The following ANAPC10 variants were observed in gnomAD, a reference collection of about 807,000 sequenced individuals.
ANAPC10 encodes the protein anaphase promoting complex subunit 10, also known as anaphase-promoting complex subunit 10.
A neutral mutation model predicts 22.0 loss-of-function variants in ANAPC10; 12 were observed. The observed-to-expected ratio is 0.55, with a 90% CI of 0.35 to 0.88. The LOEUF (loss-of-function observed/expected upper bound fraction) is 0.88. Among genes scored for constraint, ANAPC10 ranks in the 40% least tolerant of loss-of-function variants. The pLI is 0.01. For synonymous variants in ANAPC10, 65 were observed against 69.5 expected, an observed-to-expected ratio of 0.94 and a Z score of 0.32; for missense variants, 188 against 220.9, an observed-to-expected ratio of 0.85 and a Z score of 0.94.
At chr4:145,006,293 T>C (rs938377637) in intron 4 of ANAPC10, among the ~76,000 whole-genome samples, 1 of 152,138 alleles carries the variant, frequency 6.6e-6, no homozygotes, top group African/African-American at 2.4e-5. Context: ...CTGAAAAATC[T>C]GCCAATCAAG....
intron 4 of ANAPC10, among the ~76,000 whole-genome samples, chr4:145,023,234 A>C (rs927158895): frequency 2.0e-5 from 3 of 152,168 alleles, no homozygotes; most frequent in Admixed American, 6.6e-5. Context: ...AAACCAACAA[A>C]TAACAACAGG....
At chr4:145,092,605 G>A (rs1747853134) in intron 2 of ANAPC10, among the ~76,000 whole-genome samples, 1 of 152,182 alleles carries the variant, frequency 6.6e-6, no homozygotes, top group Non-Finnish European at 1.5e-5. Flanking sequence ...AACACAAGGT[G>A]AATTCACACT....
chr4:145,020,154 T>A (rs549665385), intron 4 of ANAPC10, among the ~76,000 whole-genome samples: 20 of 152,088 alleles, frequency 1.3e-4, no homozygotes, highest in African/African-American at 4.8e-4. Flanking sequence ...CAGACCCATA[T>A]CCCTGATGAA....
At chr4:145,025,032 T>G (rs1316068712) in intron 4 of ANAPC10, among the ~76,000 whole-genome samples, 1 of 152,204 alleles carries the variant, frequency 6.6e-6, no homozygotes, top group Non-Finnish European at 1.5e-5. Flanking sequence ...AAGATGGATT[T>G]TTTCCTTAAA....
At chr4:145,062,042 G>T (rs1742965549) in intron 4 of ANAPC10, among the ~76,000 whole-genome samples, 1 of 150,094 alleles carries the variant, frequency 6.7e-6, no homozygotes, top group South Asian at 2.1e-4. Flanking sequence ...CAGCCTGGGT[G>T]ACAGAGCAAG....
Position 145,040,826 on chromosome 4 carries a change from A to G in ANAPC10, c.327+23746T>C, listed in dbSNP as rs543332464. Among the ~76,000 whole-genome samples, 28 of 152,340 alleles carry G rather than the reference A, an allele frequency of 1.8e-4. No homozygotes were observed. The South Asian group carries it at 5.8e-3, about 32-fold the overall frequency. ...ACAACTCAAAAAGCCATAATTCTACATATGCTATAAAGAGATGTGGAACTT... is the reference window on the plus strand; with the variant it reads ...ACAACTCAAAAAGCCATAATTCTACGTATGCTATAAAGAGATGTGGAACTT... On this transcript the variant is annotated intron_variant, in intron 4 of 4. Transcript: ENST00000507656.
At chr4:145,048,595 G>A (rs1039122408) in intron 4 of ANAPC10, among the ~76,000 whole-genome samples, 6 of 152,032 alleles carry the variant, frequency 3.9e-5, no homozygotes, top group South Asian at 2.1e-4. Flanking sequence ...AGTTGACAGC[G>A]CTGACATATT....
chr4:145,079,506 G>A (rs1366587953), intron 3 of ANAPC10, among the ~76,000 whole-genome samples: 1 of 152,202 alleles, frequency 6.6e-6, no homozygotes, highest in South Asian at 2.1e-4. Flanking sequence ...ACTACTATTT[G>A]ACCAAGCAAT....
chr4:145,068,427 A>C (rs542100737), intron 3 of ANAPC10, among the ~76,000 whole-genome samples: 55 of 152,360 alleles, frequency 3.6e-4, no homozygotes, highest in African/African-American at 1.3e-3. Context: ...GATAGACGAT[A>C]GCTTTACATT....
intron 4 of ANAPC10, among the ~76,000 whole-genome samples, chr4:145,002,128 C>T (rs118106300): frequency 1.3e-5 from 2 of 152,218 alleles, no homozygotes; most frequent in East Asian, 1.9e-4. Context: ...AATCTTACTA[C>T]GAGAACTGTC....
At chr4:145,058,023 A>T (rs1742323352) in intron 4 of ANAPC10, among the ~76,000 whole-genome samples, 2 of 152,244 alleles carry the variant, frequency 1.3e-5, no homozygotes, top group South Asian at 4.1e-4. Flanking sequence ...AGCTGTGTTG[A>T]TGTTTCCTCA....
intron 2 of ANAPC10, among the ~76,000 whole-genome samples, chr4:145,090,825 T>C (rs925190498): frequency 1.3e-5 from 2 of 152,214 alleles, no homozygotes; most frequent in African/African-American, 4.8e-5. Context: ...AGTTTAAAGC[T>C]ATACTTCCTC....
chr4:145,029,662 C>G lies in ANAPC10; in HGVS notation c.328-34059G>C, dbSNP rs6819173. On this transcript the variant is annotated intron_variant, in intron 4 of 4. Transcript: ENST00000507656. ...TAAAAAAGGTTCTAATAGGTTATTT[C>G]CTTGGTTAGCTGAAATATGGATTAA... Among the ~76,000 whole-genome samples the G allele has an allele frequency of 4.4e-3, 668 of 152,082 alleles. 3 individuals carry two copies. The highest frequency in any genetic ancestry group is 0.015 in the African/African-American group (614 of 41,484).
At chr4:145,073,265 C>T (rs1388075476) in intron 3 of ANAPC10, among the ~76,000 whole-genome samples, 3 of 152,108 alleles carry the variant, frequency 2.0e-5, no homozygotes, top group African/African-American at 4.8e-5. Context: ...GGGGAAAATG[C>T]AATAAAGTAT....
At chr4:145,078,156 T>C (rs988993445) in intron 3 of ANAPC10, among the ~76,000 whole-genome samples, 8 of 152,158 alleles carry the variant, frequency 5.3e-5, no homozygotes, top group Non-Finnish European at 7.4e-5. Flanking sequence ...CTAGATCTGA[T>C]GAACAACTTC....
chr4:145,072,307 G>A (rs907163831), intron 3 of ANAPC10, among the ~76,000 whole-genome samples: 2 of 152,038 alleles, frequency 1.3e-5, no homozygotes, highest in African/African-American at 4.8e-5. Context: ...AAATAATGTT[G>A]CTTTATATAT....
In ANAPC10 at chr4:144,994,680, A is replaced by G. The variant is rs924926188; in HGVS notation, c.*693T>C. On this transcript the variant is annotated 3_prime_UTR_variant, in exon 5 of 5. Transcript: ENST00000507656. ...TGCTACAATGTCAGACACAAATTTG[A>G]AAATAACTCTTCCATAAGTACTGCT... is the stretch of plus-strand genomic sequence containing the variant. 3 of 152,110 alleles carry G rather than the reference A, an allele frequency of 2.0e-5. No individual in the cohort carries two copies. The highest frequency in any genetic ancestry group is 2.9e-5 in the Non-Finnish European group (2 of 67,966). 9.4% of individuals were successfully genotyped at this position (152,110 alleles called of 1,614,324 possible). A position where few individuals can be genotyped will look rare whatever the true frequency, so the allele number is the denominator to read the frequency against.
intron 4 of ANAPC10, among the ~76,000 whole-genome samples, chr4:145,055,415 G>A (rs539890477): frequency 4.6e-5 from 7 of 152,126 alleles, no homozygotes; most frequent in East Asian, 1.9e-4. Context: ...AAAGTTAGCC[G>A]GGCATGGTGG....
intron 4 of ANAPC10, among the ~76,000 whole-genome samples, chr4:145,060,987 AGGCAC>A: frequency 6.6e-6 from 1 of 152,134 alleles, no homozygotes; most frequent in Non-Finnish European, 1.5e-5. Flanking sequence ...TGCAAAAGCT[AGGCAC>A]TAACAATTTA....
Sources: allele counts gnomAD v4.1 joint callset (sites outside exome capture counted in the v4.1 genomes callset), GRCh38; gene constraint gnomAD v4.1.1; transcripts MANE v1.5; gene names NCBI Gene and HGNC (gene_info 2026-07-23, HGNC 2026-07-21).